SUPT3H: variants seen among roughly 807,000 people sequenced by gnomAD.
SUPT3H encodes SPT3 homolog, SAGA and STAGA complex component, also known as transcription initiation protein SPT3 homolog.
In SUPT3H, 44 loss-of-function variants were observed where a neutral mutation model predicts 44.3. The observed-to-expected ratio is 0.99, with a 90% CI of 0.78 to 1.28. SUPT3H has a LOEUF of 1.28. Ranked by LOEUF, SUPT3H falls within the 50% of genes most tolerant of loss-of-function variation. The pLI, the probability that SUPT3H is intolerant of heterozygous loss-of-function variation, is 0.00. For synonymous variants in SUPT3H, 124 were observed against 125.6 expected (o/e 0.99, Z 0.09); for missense variants, 380 against 387.1 (o/e 0.98, Z 0.15).
intron 2 of SUPT3H, among the ~76,000 whole-genome samples, chr6:45,354,038 A>G (rs1406239603): frequency 2.6e-5 from 4 of 152,180 alleles, no homozygotes; most frequent in South Asian, 4.1e-4. Flanking sequence ...TTTTACTGTT[A>G]AAAATTGTCA....
Position 45,000,452 on chromosome 6 carries a change from T to C in SUPT3H, c.504+3201A>G, listed in dbSNP as rs59227402. Reference sequence around the variant, plus strand: ...TCCACCTATTTCTTCTTCAATGAGTTTTCTAGTCCACTTACCTCCAAAAAC... The same window carrying C: ...TCCACCTATTTCTTCTTCAATGAGTCTTCTAGTCCACTTACCTCCAAAAAC... On this transcript the variant is annotated intron_variant, in intron 6 of 10. Coordinates refer to ENST00000371459, the MANE Select transcript of SUPT3H (RefSeq NM_003599.4). Among the ~76,000 whole-genome samples the C allele has an allele frequency of 8.7e-3, 1,318 of 152,128 alleles. 24 individuals are homozygous for C. Among genetic ancestry groups the C allele is most frequent in the African/African-American group, 0.03 (1,242 of 41,550 alleles).
intron 2 of SUPT3H, among the ~76,000 whole-genome samples, chr6:45,305,392 CAAG>C (rs1203452337): frequency 1.3e-5 from 2 of 152,154 alleles, no homozygotes; most frequent in Non-Finnish European, 2.9e-5. Flanking sequence ...TTGAAATTTT[CAAG>C]AAGTTACAAA....
At chr6:45,328,208 G>A (rs942616203) in intron 2 of SUPT3H, 1 of 1,142,334 alleles carries the variant, frequency 8.8e-7, no homozygotes, top group Non-Finnish European at 1.1e-6. Context: ...GTGGTAGGCA[G>A]TCCCACTTTA....
At chr6:44,829,950 TAG>T (rs1158619926) in intron 10 of SUPT3H, 93 bp from the exon 11 acceptor site, 11 of 1,129,244 alleles carry the variant, frequency 9.7e-6, no homozygotes, top group Non-Finnish European at 4.0e-6. Context: ...TCCTGTTTTG[TAG>T]ACTCTGCTGG....
At chr6:45,363,829 T>C (rs535901936) in intron 2 of SUPT3H, among the ~76,000 whole-genome samples, 106 of 152,114 alleles carry the variant, frequency 7.0e-4, no homozygotes, top group African/African-American at 2.5e-3. Context: ...AGAATATTTT[T>C]ATAAGAAATA....
At chr6:45,035,813 T>C (rs1403827238) in intron 3 of SUPT3H, among the ~76,000 whole-genome samples, 3 of 151,524 alleles carry the variant, frequency 2.0e-5, no homozygotes, top group East Asian at 1.9e-4. Flanking sequence ...ATATTAGTAA[T>C]TAACTAAGAC....
chr6:44,848,051 C>T (rs1053732268), intron 10 of SUPT3H, among the ~76,000 whole-genome samples: 1 of 139,932 alleles, frequency 7.1e-6, no homozygotes, highest in Admixed American at 7.7e-5. Context: ...ACTGCAACCT[C>T]TGTCTTGTGG....
chr6:45,224,201 C>A (rs867047384), intron 2 of SUPT3H, among the ~76,000 whole-genome samples: 20 of 151,678 alleles, frequency 1.3e-4, no homozygotes, highest in Admixed American at 6.6e-4. Context: ...ACTCACTATA[C>A]AGGTTTTCCT....
At chr6:45,082,418 G>A (rs1021589412) in intron 3 of SUPT3H, among the ~76,000 whole-genome samples, 1 of 152,036 alleles carries the variant, frequency 6.6e-6, no homozygotes, top group African/African-American at 2.4e-5. Flanking sequence ...AGCAAACCAA[G>A]TCCAGCAGCA....
Position 44,932,783 on chromosome 6 carries a change from A to G in SUPT3H, c.802-20T>C, listed in dbSNP as rs771415899. On this transcript the variant is annotated intron_variant, in intron 9 of 10. Coordinates refer to ENST00000371459, the MANE Select transcript of SUPT3H (RefSeq NM_003599.4). ...AGTGCTCTGCGACAGAAAAACACAT[A>G]AATTGTTACTAAATCAAAAACACGC... is the stretch of plus-strand genomic sequence containing the variant. 3 of 1,524,398 alleles carry G rather than the reference A, an allele frequency of 2.0e-6. No homozygotes were observed. The highest frequency in any genetic ancestry group is 9.0e-7 in the Non-Finnish European group (1 of 1,116,986). The allele number at this position is 1,524,398 out of a possible 1,614,324, so 94.4% of individuals were successfully genotyped here.
chr6:44,938,207 G>C (rs959031567), intron 9 of SUPT3H, among the ~76,000 whole-genome samples: 3 of 151,600 alleles, frequency 2.0e-5, no homozygotes, highest in Non-Finnish European at 2.9e-5. Context: ...TATAGTTTCA[G>C]GTCTTATCTT....
intron 10 of SUPT3H, among the ~76,000 whole-genome samples, chr6:44,841,031 C>CTG (rs1482492739): frequency 4.6e-5 from 7 of 152,264 alleles, no homozygotes; most frequent in African/African-American, 1.7e-4. Context: ...CTCTGTCTGT[C>CTG]TCTGTGATGT....
chr6:45,116,567 T>C (rs1800876665), intron 2 of SUPT3H, among the ~76,000 whole-genome samples: 1 of 152,184 alleles, frequency 6.6e-6, no homozygotes, highest in South Asian at 2.1e-4. Context: ...TTTTAAAAAT[T>C]AATTTCCATA....
chr6:44,904,284 C>T (rs75013390), intron 10 of SUPT3H, among the ~76,000 whole-genome samples: 2 of 151,954 alleles, frequency 1.3e-5, no homozygotes, highest in Non-Finnish European at 1.5e-5. Context: ...TGTCTCAGCC[C>T]CAAATCTCCT....
intron 10 of SUPT3H, among the ~76,000 whole-genome samples, chr6:44,851,332 C>T (rs1000306947): frequency 6.6e-6 from 1 of 152,150 alleles, no homozygotes; most frequent in African/African-American, 2.4e-5. Flanking sequence ...AAGAAATTCT[C>T]CTTCATTGGT....
chr6:45,027,386 T>G (rs527303261), intron 3 of SUPT3H, among the ~76,000 whole-genome samples: 61 of 152,302 alleles, frequency 4.0e-4, no homozygotes, highest in African/African-American at 1.4e-3. Context: ...ATCTGAAAGT[T>G]TCCTTTTTAG....
chr6:44,845,230 C>CT (rs757722099), intron 10 of SUPT3H, among the ~76,000 whole-genome samples: 9 of 152,112 alleles, frequency 5.9e-5, no homozygotes, highest in Non-Finnish European at 1.3e-4. Flanking sequence ...GGGGTAGAAA[C>CT]TGAGTGGGAG....
At chr6:44,867,183 A>G (rs1291449528) in intron 10 of SUPT3H, among the ~76,000 whole-genome samples, 1 of 150,224 alleles carries the variant, frequency 6.7e-6, no homozygotes, top group Non-Finnish European at 1.5e-5. Context: ...ATGGAGTCTC[A>G]CTCTGTCACC....
intron 6 of SUPT3H, among the ~76,000 whole-genome samples, chr6:44,995,367 A>AT (rs1781137302): frequency 6.6e-6 from 1 of 152,074 alleles, no homozygotes; most frequent in East Asian, 1.9e-4. Context: ...CTAAAGATCT[A>AT]TTTTATTCCC....
Sources: allele counts gnomAD v4.1 joint callset (sites outside exome capture counted in the v4.1 genomes callset), GRCh38; gene constraint gnomAD v4.1.1; transcripts MANE v1.5; gene names NCBI Gene and HGNC (gene_info 2026-07-23, HGNC 2026-07-21).